PCDHA9: variants seen among roughly 807,000 people sequenced by gnomAD.
PCDHA9 encodes the protein protocadherin alpha 9.
PCDHA9 carries 62 observed loss-of-function variants against 62.0 expected under a neutral mutation model. The ratio of observed to expected loss-of-function variants is 1.00; its 90% CI spans 0.81 to 1.23. The LOEUF (loss-of-function observed/expected upper bound fraction) is 1.23, where lower values mean the gene tolerates loss of function less well. Ranked by LOEUF, PCDHA9 falls within the 50% of genes most tolerant of loss-of-function variation. PCDHA9 has a pLI of 0.00. For synonymous variants in PCDHA9, 557 were observed against 567.6 expected (o/e 0.98, Z 0.27); for missense variants, 1,205 against 1,249.8 (o/e 0.96, Z 0.54).
intron 1 of PCDHA9, among the ~76,000 whole-genome samples, chr5:140,880,555 T>C (rs1250449659): frequency 1.3e-5 from 2 of 152,134 alleles, no homozygotes; most frequent in Admixed American, 6.6e-5. Context: ...CTGATGGAAA[T>C]GAGGTTGAGA....
At chr5:140,999,795 T>C (rs1222111677) in intron 3 of PCDHA9, among the ~76,000 whole-genome samples, 3 of 152,224 alleles carry the variant, frequency 2.0e-5, no homozygotes, top group Non-Finnish European at 4.4e-5. Context: ...GGCAGAGTTA[T>C]TTTGGGCACA....
chr5:140,876,651 T>TC, intron 1 of PCDHA9: 1 of 1,614,178 alleles, frequency 6.2e-7, no homozygotes, highest in South Asian at 1.1e-5. Context: ...CACCTCATGT[T>TC]CCCTTCAAGC....
At chr5:141,001,333 T>G (rs1554258097) in intron 3 of PCDHA9, among the ~76,000 whole-genome samples, 1 of 152,178 alleles carries the variant, frequency 6.6e-6, no homozygotes, top group African/African-American at 2.4e-5. Context: ...TCACCATAAT[T>G]TACATGATGT....
intron 3 of PCDHA9, among the ~76,000 whole-genome samples, chr5:141,004,893 C>A (rs1339074840): frequency 1.3e-5 from 2 of 152,154 alleles, no homozygotes; most frequent in African/African-American, 4.8e-5. Flanking sequence ...ATTGTGTCAG[C>A]TCTGCCAGGG....
rs377044316 is a variant in PCDHA9 at position 140,883,116 on chromosome 5, G to A, written c.2394+32227G>A. 14 of 1,613,818 alleles carry A rather than the reference G, an allele frequency of 8.7e-6. No homozygotes were observed. The African/African-American group carries it at 1.9e-4, about 22-fold the overall frequency. On this transcript the variant is annotated intron_variant, in intron 1 of 3. Coordinates refer to ENST00000532602, the MANE Select transcript of PCDHA9 (RefSeq NM_031857.2). ...GGAGATATAGTTTACTCATTTAGAAGGCCTGTATGGCCTGCAGTGGTATAT... is the reference window on the plus strand; with the variant it reads ...GGAGATATAGTTTACTCATTTAGAAAGCCTGTATGGCCTGCAGTGGTATAT...
chr5:140,858,262 G>A lies in PCDHA9; in HGVS notation c.2394+7373G>A. On this transcript the variant is annotated intron_variant, in intron 1 of 3. Coordinates refer to ENST00000532602, the MANE Select transcript of PCDHA9 (RefSeq NM_031857.2). Reference sequence around the variant, plus strand: ...GTGGGCCGGTGAAGCCCACGCTGGTGTGCTCTAGCGCGGTGGGGAGCTGGT... The same window carrying A: ...GTGGGCCGGTGAAGCCCACGCTGGTATGCTCTAGCGCGGTGGGGAGCTGGT... 2 of 1,597,236 alleles carry A rather than the reference G, an allele frequency of 1.3e-6. 1 individual carries two copies.
intron 1 of PCDHA9, among the ~76,000 whole-genome samples, chr5:140,886,270 T>A (rs957205805): frequency 2.0e-5 from 3 of 151,996 alleles, no homozygotes; most frequent in Admixed American, 6.5e-5. Flanking sequence ...ATAGATAAAA[T>A]TTTTTAAAAT....
intron 1 of PCDHA9, chr5:140,883,267 T>C: frequency 6.2e-7 from 1 of 1,614,048 alleles, no homozygotes. Flanking sequence ...TGGCGGGTCA[T>C]TGTACCCTTT....
intron 1 of PCDHA9, among the ~76,000 whole-genome samples, chr5:140,978,421 T>C (rs969808613): frequency 2.0e-5 from 3 of 152,236 alleles, no homozygotes; most frequent in Non-Finnish European, 4.4e-5. Flanking sequence ...AAAGAGACTG[T>C]TATCAGTTGC....
At chr5:140,999,419 G>A (rs2097856786) in intron 3 of PCDHA9, among the ~76,000 whole-genome samples, 1 of 152,182 alleles carries the variant, frequency 6.6e-6, no homozygotes, top group Non-Finnish European at 1.5e-5. Flanking sequence ...TGGGAGCTAA[G>A]AGGCCAAGTA....
intron 3 of PCDHA9, among the ~76,000 whole-genome samples, chr5:140,982,794 CAT>C (rs1491349118): frequency 4.0e-5 from 6 of 150,946 alleles, no homozygotes; most frequent in Admixed American, 1.3e-4. Context: ...CGCATGTGTG[CAT>C]GTGTGTGTGT....
Position 140,849,157 on chromosome 5 carries a change from A to T in PCDHA9, c.662A>T (p.Glu221Val). The change falls in exon 1 of 4, where the codon GAG (glutamate) becomes GTG (valine). Residue 221 changes from glutamate to valine, a missense_variant. Coordinates refer to ENST00000532602, the MANE Select transcript of PCDHA9 (RefSeq NM_031857.2). ...ACGGCCACCGATGGAGGCAAACCCG[A>T]GCTGACTGGCACCGTTCAATTACTC... is the stretch of plus-strand genomic sequence containing the variant. ...LLTATDGGKP[E>V]LTGTVQLLIT... 8.3e-7 allele frequency: 1 copy of T among 1,209,676 alleles called. No individual in the cohort carries two copies. Among genetic ancestry groups the T allele is most frequent in the Non-Finnish European group, 1.1e-6 (1 of 875,548 alleles). 74.9% of individuals were successfully genotyped at this position (1,209,676 alleles called of 1,614,324 possible).
intron 1 of PCDHA9, chr5:140,860,221 A>G (rs545032981): frequency 3.3e-5 from 5 of 149,836 alleles, no homozygotes; most frequent in Non-Finnish European, 7.4e-5. Flanking sequence ...ACTTATGTAT[A>G]TATAAGCCAG....
intron 1 of PCDHA9, chr5:140,966,633 C>G (rs2096029445): frequency 8.9e-6 from 9 of 1,005,802 alleles, no homozygotes; most frequent in Non-Finnish European, 5.4e-6. Flanking sequence ...CGGCCCCAGG[C>G]GCTTTCTAGA....
chr5:140,932,562 G>A lies in PCDHA9; in HGVS notation c.2395-46387G>A, dbSNP rs566002035. The stretch of plus-strand genomic sequence containing the variant: ...TTATTTAACATACATTCCACAAGTA[G>A]ACTTTCCCATAGGGTAATTAGATGT... On this transcript the variant is annotated intron_variant, in intron 1 of 3. Coordinates refer to ENST00000532602, the MANE Select transcript of PCDHA9 (RefSeq NM_031857.2). Among the ~76,000 whole-genome samples the A allele has an allele frequency of 1.9e-4, 29 of 151,988 alleles. No individual in the cohort carries two copies. The South Asian group carries it at 6.0e-3, about 32-fold the overall frequency.
chr5:140,966,740 C>CGGCT (rs2096047340), intron 1 of PCDHA9: 1 of 1,422,580 alleles, frequency 7.0e-7, no homozygotes, highest in African/African-American at 1.5e-5. Flanking sequence ...CGGCCCTGCC[C>CGGCT]GGCTGCCTCC....
rs782180931 is a variant in PCDHA9, at chr5:140,857,881, G to A, written c.2394+6992G>A. 6 of 1,597,644 alleles carry A rather than the reference G, an allele frequency of 3.8e-6. 1 individual carries two copies. In the African/African-American group the frequency reaches 8.1e-5, roughly 22 times the overall value. On this transcript the variant is annotated intron_variant, in intron 1 of 3. Coordinates refer to ENST00000532602, the MANE Select transcript of PCDHA9 (RefSeq NM_031857.2). ...ACGCGTGGCTGTCGTATGAATTGCAGTCGGCGGCGGTTGGTGCACGCATCC... is the reference window on the plus strand; with the variant it reads ...ACGCGTGGCTGTCGTATGAATTGCAATCGGCGGCGGTTGGTGCACGCATCC...
At chr5:140,876,524 T>A in intron 1 of PCDHA9, 1 of 1,614,136 alleles carries the variant, frequency 6.2e-7, no homozygotes, top group Non-Finnish European at 8.5e-7. Flanking sequence ...CCTGAAGTAA[T>A]GGTTACTTCA....
At chr5:140,956,622 C>T (rs1438482570) in intron 1 of PCDHA9, among the ~76,000 whole-genome samples, 2 of 152,008 alleles carry the variant, frequency 1.3e-5, no homozygotes, top group African/African-American at 4.8e-5. Context: ...CTTTTTGTTG[C>T]ATCTCTGCCA....
Sources: gnomAD v4.1 joint callset for allele counts (sites outside exome capture counted in the v4.1 genomes callset) on GRCh38, gnomAD v4.1.1 for gene constraint, MANE v1.5 for transcripts, NCBI Gene and HGNC (gene_info 2026-07-23, HGNC 2026-07-21) for gene names.